Variants in ROBO1 observed in about 807,000 individuals in gnomAD.
The protein encoded by ROBO1 is roundabout guidance receptor 1.
Under a neutral mutation model 195.9 loss-of-function variants are expected in ROBO1, and 149 were observed. That is an observed-to-expected ratio of 0.76 (90% confidence interval 0.67 to 0.87). ROBO1 has a LOEUF of 0.87. Among genes scored for constraint, ROBO1 ranks in the 40% least tolerant of loss-of-function variants. The pLI, the probability that ROBO1 is intolerant of heterozygous loss-of-function variation, is 0.00. For missense variants in ROBO1, 1,933 were observed against 2,068.3 expected, an observed-to-expected ratio of 0.93 and a Z score of 1.27; for synonymous variants, 816 against 733.2, an observed-to-expected ratio of 1.11 and a Z score of -1.82.
chr3:78,840,141 T>C (rs539526537), intron 4 of ROBO1, among the ~76,000 whole-genome samples: 5 of 152,290 alleles, frequency 3.3e-5, no homozygotes, highest in Admixed American at 2.6e-4. Flanking sequence ...GTATGATGAA[T>C]TCAGCTGTTT....
intron 2 of ROBO1, among the ~76,000 whole-genome samples, chr3:79,468,075 C>T (rs184480486): frequency 5.1e-4 from 78 of 152,274 alleles, no homozygotes; most frequent in Admixed American, 1.3e-3. Flanking sequence ...TTTACTACTT[C>T]TAGAAGCTTA....
intron 2 of ROBO1, among the ~76,000 whole-genome samples, chr3:79,487,759 C>A (rs1380127757): frequency 3.9e-5 from 6 of 152,120 alleles, no homozygotes; most frequent in African/African-American, 1.2e-4. Context: ...CATACCATTA[C>A]TCCACTAAAT....
At chr3:79,270,179 TTCTCTCTCTCTCTCTC>T (rs138141200) in intron 2 of ROBO1, among the ~76,000 whole-genome samples, 23 of 140,762 alleles carry the variant, frequency 1.6e-4, no homozygotes, top group East Asian at 4.2e-4. Flanking sequence ...ATACATAATG[TTCTCTCTCTCTCTCTC>T]TCTCTCTCTC....
At chr3:78,763,703 G>A (rs2083160141) in intron 4 of ROBO1, among the ~76,000 whole-genome samples, 1 of 152,062 alleles carries the variant, frequency 6.6e-6, no homozygotes, top group Non-Finnish European at 1.5e-5. Context: ...GAAAAACCAA[G>A]TGTCCATCTT....
intron 1 of ROBO1, among the ~76,000 whole-genome samples, chr3:79,762,377 T>C (rs1287886447): frequency 3.3e-5 from 5 of 152,038 alleles, no homozygotes; most frequent in African/African-American, 4.8e-5. Context: ...TTTCAGCATA[T>C]GAATTTGGAG....
intron 3 of ROBO1, among the ~76,000 whole-genome samples, 166 bp from the exon 4 acceptor site, chr3:78,939,093 T>C (rs1163254296): frequency 1.3e-5 from 2 of 152,194 alleles, no homozygotes; most frequent in Non-Finnish European, 2.9e-5. Flanking sequence ...TGACTACACC[T>C]TCCAATTCTT....
chr3:79,466,646 G>A (rs1049764376), intron 2 of ROBO1, among the ~76,000 whole-genome samples: 8 of 152,120 alleles, frequency 5.3e-5, no homozygotes, highest in African/African-American at 1.7e-4. Flanking sequence ...AGGTACTGGA[G>A]TAATAAAGGA....
chr3:79,142,770 T>C (rs2080553851), intron 2 of ROBO1, among the ~76,000 whole-genome samples: 2 of 152,044 alleles, frequency 1.3e-5, no homozygotes. Flanking sequence ...AGCATTCCCA[T>C]TTTCCTGCAA....
At chr3:79,044,617 C>T (rs902553627) in intron 3 of ROBO1, among the ~76,000 whole-genome samples, 1 of 151,872 alleles carries the variant, frequency 6.6e-6, no homozygotes, top group Non-Finnish European at 1.5e-5. Context: ...TACATTATTG[C>T]CTTTTGTTCA....
At chr3:79,685,402 A>G (rs1033268835) in intron 1 of ROBO1, among the ~76,000 whole-genome samples, 3 of 152,158 alleles carry the variant, frequency 2.0e-5, no homozygotes, top group Non-Finnish European at 4.4e-5. Flanking sequence ...GAAGTTTTTT[A>G]AAGGCCTTTA....
intron 2 of ROBO1, among the ~76,000 whole-genome samples, chr3:79,327,478 C>T (rs6782763): frequency 0.17 from 26,321 of 151,940 alleles, 2,598 homozygotes; most frequent in African/African-American, 0.27. Flanking sequence ...TAAACTTAAA[C>T]AGACTTCCCG....
intron 2 of ROBO1, among the ~76,000 whole-genome samples, chr3:79,390,708 A>G: frequency 6.6e-6 from 1 of 152,106 alleles, no homozygotes; most frequent in East Asian, 1.9e-4. Context: ...GAAATGGTGA[A>G]GGGAGGAGAC....
intron 8 of ROBO1, among the ~76,000 whole-genome samples, chr3:78,711,372 TTCCTTCCTTCCTTCCTTCCTTC>T (rs1182220997): frequency 1.1e-4 from 3 of 27,766 alleles, no homozygotes; most frequent in East Asian, 6.6e-4. Context: ...CCTTCCTTCC[TTCCTTCCTTCCTTCCTTCCTTC>T]CTTCCTTTCT....
At chr3:79,260,179 A>G (rs1298256519) in intron 2 of ROBO1, among the ~76,000 whole-genome samples, 1 of 151,840 alleles carries the variant, frequency 6.6e-6, no homozygotes, top group African/African-American at 2.4e-5. Context: ...AATCTAATTT[A>G]AAACTGTCCT....
intron 2 of ROBO1, among the ~76,000 whole-genome samples, chr3:79,435,401 A>C (rs1178625613): frequency 6.6e-6 from 1 of 152,054 alleles, no homozygotes; most frequent in African/African-American, 2.4e-5. Context: ...AAACGTTTTG[A>C]ATCATATTTA....
At chr3:79,444,387 T>C (rs2039165204) in intron 2 of ROBO1, among the ~76,000 whole-genome samples, 1 of 151,978 alleles carries the variant, frequency 6.6e-6, no homozygotes, top group Middle Eastern at 3.2e-3. Flanking sequence ...GTAAATGAAA[T>C]ACACAGTAAA....
chr3:78,608,431 ATATACT>A (rs1370638213), intron 28 of ROBO1, among the ~76,000 whole-genome samples: 5 of 152,358 alleles, frequency 3.3e-5, no homozygotes, highest in Admixed American at 6.5e-5. Context: ...TATATCATAG[ATATACT>A]TAAGAATGAA....
chr3:79,095,170 G>T (rs1232591841), intron 3 of ROBO1, among the ~76,000 whole-genome samples: 1 of 151,878 alleles, frequency 6.6e-6, no homozygotes, highest in African/African-American at 2.4e-5. Context: ...TTCTACATGT[G>T]ATCATTTAAA....
At chr3:79,478,637 AT>A (rs962387572) in intron 2 of ROBO1, among the ~76,000 whole-genome samples, 4 of 151,920 alleles carry the variant, frequency 2.6e-5, no homozygotes, top group African/African-American at 9.7e-5. Flanking sequence ...CTGCCTTTTT[AT>A]TTTACTCATT....
Sources: allele counts gnomAD v4.1 joint callset (sites outside exome capture counted in the v4.1 genomes callset), GRCh38; gene constraint gnomAD v4.1.1; transcripts MANE v1.5; gene names NCBI Gene and HGNC (gene_info 2026-07-23, HGNC 2026-07-21).